Variants in PDCD6IP observed in about 807,000 individuals in gnomAD.
PDCD6IP encodes the protein programmed cell death 6 interacting protein.
PDCD6IP carries 43 observed loss-of-function variants against 103.7 expected under a neutral mutation model. The observed-to-expected ratio is 0.41, with a 90% CI of 0.32 to 0.53. The LOEUF (loss-of-function observed/expected upper bound fraction) is 0.53. Among genes scored for constraint, PDCD6IP ranks in the 20% least tolerant of loss-of-function variants. The probability of loss-of-function intolerance (pLI) is 0.16; values close to 1 mark genes in which losing one functional copy is unlikely to be tolerated. For missense variants in PDCD6IP, 871 were observed against 1,036.7 expected (o/e 0.84, Z 2.20); for synonymous variants, 354 against 378.7 (o/e 0.93, Z 0.76).
intron 7 of PDCD6IP, among the ~76,000 whole-genome samples, chr3:33,829,577 A>T (rs1697202754): frequency 6.6e-6 from 1 of 152,086 alleles, no homozygotes; most frequent in Admixed American, 6.6e-5. Context: ...GGTTGTCAGA[A>T]ACTTGCTGTG....
At chr3:33,830,181 A>G (rs1001097269) in intron 7 of PDCD6IP, among the ~76,000 whole-genome samples, 60 of 152,272 alleles carry the variant, frequency 3.9e-4, no homozygotes, top group African/African-American at 1.4e-3. Flanking sequence ...ATGGGAAAGG[A>G]TCTCACAGTG....
intron 11 of PDCD6IP, among the ~76,000 whole-genome samples, chr3:33,844,812 C>CAT (rs1697556123): frequency 6.6e-6 from 1 of 151,942 alleles, no homozygotes; most frequent in Non-Finnish European, 1.5e-5. Flanking sequence ...TAAATGAGAG[C>CAT]ATATTACATT....
intron 12 of PDCD6IP, among the ~76,000 whole-genome samples, chr3:33,847,947 T>TA (rs555904126): frequency 7.8e-4 from 118 of 152,108 alleles, no homozygotes; most frequent in African/African-American, 2.7e-3. Context: ...CTCAAAGTGT[T>TA]ACATCTGCTG....
chr3:33,805,078 C>T (rs148993153), intron 1 of PDCD6IP, among the ~76,000 whole-genome samples: 17 of 152,184 alleles, frequency 1.1e-4, no homozygotes, highest in East Asian at 1.9e-4. Context: ...CTTTTCCGGC[C>T]GGGTGTGGTG....
At chr3:33,815,202 A>G (rs1696820890) in intron 3 of PDCD6IP, among the ~76,000 whole-genome samples, 1 of 151,072 alleles carries the variant, frequency 6.6e-6, no homozygotes, top group Admixed American at 6.6e-5. Context: ...TTTAATAATA[A>G]TTATTGTTAT....
intron 3 of PDCD6IP, among the ~76,000 whole-genome samples, chr3:33,814,898 A>T (rs529441056): frequency 6.8e-6 from 1 of 146,250 alleles, no homozygotes. Flanking sequence ...TCATGTACAC[A>T]TATACATATA....
chr3:33,827,235 A>C (rs754304571), intron 6 of PDCD6IP: 359 of 963,556 alleles, frequency 3.7e-4, no homozygotes, highest in Non-Finnish European at 4.2e-4. Context: ...GTAAATTTGG[A>C]ATGATTAATA....
chr3:33,826,984 G>A lies in PDCD6IP; in HGVS notation c.717+404G>A, dbSNP rs911074170. The A allele has an allele frequency of 1.3e-5, 13 of 989,914 alleles. No individual in the cohort carries two copies. The East Asian group carries it at 3.3e-4, about 25-fold the overall frequency. 61.3% of individuals were successfully genotyped at this position (989,914 alleles called of 1,614,324 possible). ...TTTTCTTAAAGATGAGCCTTAAAGC[G>A]CAAAAACAGACATAAAGAAAAAAGG... is the stretch of plus-strand genomic sequence containing the variant. On this transcript the variant is annotated intron_variant, in intron 6 of 17. Transcript: ENST00000307296.
At chr3:33,855,037 T>A in intron 14 of PDCD6IP, 129 bp from the exon 15 acceptor site, 1 of 563,916 alleles carries the variant, frequency 1.8e-6, no homozygotes, top group Non-Finnish European at 3.2e-6. Flanking sequence ...GTAAATTGTA[T>A]AAATGTATCT....
At chr3:33,818,097 GT>G (rs756780125) in intron 3 of PDCD6IP, among the ~76,000 whole-genome samples, 2,474 of 68,128 alleles carry the variant, frequency 0.036, 3 homozygotes, top group South Asian at 0.061. Flanking sequence ...TTTCATTCTT[GT>G]TTTTTTTTTT....
intron 3 of PDCD6IP, among the ~76,000 whole-genome samples, chr3:33,817,602 A>T (rs1424404835): frequency 6.6e-6 from 1 of 152,060 alleles, no homozygotes; most frequent in African/African-American, 2.4e-5. Context: ...AAAATAAAAA[A>T]ATTAGCCAGA....
intron 4 of PDCD6IP, 106 bp from the exon 5 acceptor site, chr3:33,825,081 A>G (rs1169055996): frequency 1.1e-6 from 1 of 944,076 alleles, no homozygotes; most frequent in Non-Finnish European, 1.6e-6. Context: ...AAATTTAAAT[A>G]TATTAACTGT....
chr3:33,826,244 C>T lies in PDCD6IP; in HGVS notation c.617-236C>T, dbSNP rs368322004. Among the ~76,000 whole-genome samples the T allele has an allele frequency of 1.3e-4, 20 of 152,148 alleles. No individual in the cohort carries two copies. In the East Asian group the frequency reaches 2.7e-3, roughly 21 times the overall value. On this transcript the variant is annotated intron_variant, in intron 5 of 17. Coordinates refer to ENST00000307296, the MANE Select transcript of PDCD6IP (RefSeq NM_013374.6). ...ACCACTATCTTATTTTAGAACATTA[C>T]CATCATCCCAGAAAGAAGCCATGTA...
intron 10 of PDCD6IP, among the ~76,000 whole-genome samples, chr3:33,843,365 A>G (rs1352296380): frequency 2.0e-5 from 3 of 152,220 alleles, no homozygotes; most frequent in Admixed American, 1.3e-4. Context: ...ATCCAAGTCA[A>G]TGGTGAACTA....
chr3:33,863,066 G>A (rs1441772555), intron 15 of PDCD6IP, among the ~76,000 whole-genome samples: 2 of 152,002 alleles, frequency 1.3e-5, no homozygotes, highest in Non-Finnish European at 2.9e-5. Flanking sequence ...GTTTTTTTCA[G>A]TTTTTGTTAT....
chr3:33,866,404 A>G lies in PDCD6IP; in HGVS notation c.2486A>G (p.Tyr829Cys), dbSNP rs1343686974. 6.2e-7 allele frequency: 1 copy of G among 1,610,664 alleles called. No homozygotes were observed. Among genetic ancestry groups the G allele is most frequent in the Non-Finnish European group, 8.5e-7 (1 of 1,178,482 alleles). Reference protein sequence around the residue: ...MGYNPYAYGQYNMPYPPVYHQ... With the variant: ...MGYNPYAYGQCNMPYPPVYHQ... ...TATAATCCTTATGCGTATGGCCAGT[A>G]TAATATGCCATATCCACCAGTGTAT... Residue 829 changes from tyrosine to cysteine, a missense_variant, in exon 18 of 18, where the codon TAT becomes TGT. Tyr to Cys is a radical substitution (Grantham distance 194). This residue lies in a region of PDCD6IP where 202 missense variants were observed against 205.2 expected (regional missense o/e 0.98). Coordinates refer to ENST00000307296, the MANE Select transcript of PDCD6IP (RefSeq NM_013374.6).
chr3:33,804,785 T>A (rs1412045609), intron 1 of PDCD6IP, among the ~76,000 whole-genome samples: 1 of 152,216 alleles, frequency 6.6e-6, no homozygotes, highest in African/African-American at 2.4e-5. Context: ...TGCCATACTC[T>A]CTGCTGCAGT....
chr3:33,814,616 C>CATATAATGTGTATTATATGTGCAT (rs961036319), intron 3 of PDCD6IP, among the ~76,000 whole-genome samples: 8 of 120,088 alleles, frequency 6.7e-5, no homozygotes, highest in Non-Finnish European at 1.3e-4. Context: ...TATATATGCA[C>CATATAATGTGTATTATATGTGCAT]ATATAATGTG....
At chr3:33,830,772 G>C (rs545219129) in intron 7 of PDCD6IP, among the ~76,000 whole-genome samples, 1 of 152,142 alleles carries the variant, frequency 6.6e-6, no homozygotes, top group African/African-American at 2.4e-5. Context: ...TATTCTTTCC[G>C]GTAGGCATGA....
Sources: gnomAD v4.1 joint callset for allele counts (sites outside exome capture counted in the v4.1 genomes callset) on GRCh38, gnomAD v4.1.1 for gene constraint, gnomAD v4.1.1 regional missense constraint, MANE v1.5 for transcripts, NCBI Gene and HGNC (gene_info 2026-07-23, HGNC 2026-07-21) for gene names.